MBTD1: variants seen among roughly 807,000 people sequenced by gnomAD.
MBTD1 encodes the protein MBT domain-containing protein 1.
In MBTD1, 24 loss-of-function variants were observed where a neutral mutation model predicts 87.8. The observed-to-expected ratio is 0.27, with a 90% confidence interval of 0.20 to 0.38. MBTD1 has a LOEUF of 0.38. MBTD1 is among the 10% of genes least tolerant of loss of function. MBTD1 has a pLI of 1.00. For missense variants in MBTD1, 436 were observed against 760.2 expected (o/e 0.57, Z 5.02); for synonymous variants, 237 against 248.6 (o/e 0.95, Z 0.44).
chr17:51,234,792 C>T (rs998157363), intron 2 of MBTD1, among the ~76,000 whole-genome samples: 3 of 152,222 alleles, frequency 2.0e-5, no homozygotes, highest in Non-Finnish European at 2.9e-5. Flanking sequence ...CTCCCAGGTT[C>T]AAGCAATTCT....
At chr17:51,219,167 C>T in intron 4 of MBTD1, 123 bp from the exon 5 acceptor site, 1 of 581,098 alleles carries the variant, frequency 1.7e-6, no homozygotes, top group African/African-American at 1.9e-5. Flanking sequence ...ATTATTAAAG[C>T]AGAGGAAACA....
At chr17:51,189,117 ACTT>A in intron 16 of MBTD1, among the ~76,000 whole-genome samples, 1 of 152,058 alleles carries the variant, frequency 6.6e-6, no homozygotes, top group South Asian at 2.1e-4. Flanking sequence ...TGGTGACACT[ACTT>A]ATAATTTTTA....
intron 2 of MBTD1, among the ~76,000 whole-genome samples, chr17:51,237,825 T>C (rs192489694): frequency 1.3e-5 from 2 of 152,258 alleles, no homozygotes; most frequent in African/African-American, 4.8e-5. Flanking sequence ...CATATACCCA[T>C]ACAAAGACAT....
At position 51,256,450 on chromosome 17, in the gene MBTD1, G is replaced by A. The variant is rs1451635263; in HGVS notation, c.-49+2693C>T. On this transcript the variant is annotated intron_variant, in intron 2 of 16. Transcript: ENST00000586178. ...AATGGAGTGTTTCCCTAACCAACCTGATAAACTTTCTGGGGTATACATTAA... is the reference window on the plus strand; with the variant it reads ...AATGGAGTGTTTCCCTAACCAACCTAATAAACTTTCTGGGGTATACATTAA... The A allele has an allele frequency of 3.9e-5, 6 of 152,134 alleles. No individual in the cohort carries two copies. The East Asian group carries it at 1.2e-3, about 29-fold the overall frequency. The allele number at this position is 152,134 out of a possible 1,614,324, so 9.4% of individuals were successfully genotyped here. A position where few individuals can be genotyped will look rare whatever the true frequency, so the allele number is the denominator to read the frequency against.
intron 16 of MBTD1, among the ~76,000 whole-genome samples, chr17:51,188,973 G>A (rs557113457): frequency 2.0e-4 from 30 of 152,032 alleles, no homozygotes; most frequent in Admixed American, 4.6e-4. Context: ...GGTCAGGCTG[G>A]TCTCGAACTC....
rs1041231104 is a variant in MBTD1 at position 51,202,690 on chromosome 17, T to C, written c.1063+11A>G. 1.9e-6 allele frequency: 3 copies of C among 1,597,986 alleles called. No individual in the cohort carries two copies. Among genetic ancestry groups the C allele is most frequent in the Non-Finnish European group, 1.7e-6 (2 of 1,165,324 alleles). ...ATGCTTTTGACAGGAGTTCTTGTGA[T>C]AGGTGCTTACCAGATCTTTTGAATC... On this transcript the variant is annotated intron_variant, in intron 10 of 16. Transcript: ENST00000586178.
chr17:51,201,964 C>A, intron 11 of MBTD1, 58 bp downstream of exon 11: 1 of 1,239,746 alleles, frequency 8.1e-7, no homozygotes, highest in Non-Finnish European at 1.2e-6. Context: ...TAGGAAAAAA[C>A]CCACAACCCT....
intron 6 of MBTD1, among the ~76,000 whole-genome samples, chr17:51,213,108 G>C (rs375610976): frequency 1.2e-4 from 19 of 152,124 alleles, no homozygotes; most frequent in African/African-American, 4.3e-4. Flanking sequence ...GTACGATCAG[G>C]GCTAACTGCA....
At chr17:51,181,285 A>G (rs900504747) in intron 16 of MBTD1, among the ~76,000 whole-genome samples, 1 of 152,276 alleles carries the variant, frequency 6.6e-6, no homozygotes, top group South Asian at 2.1e-4. Flanking sequence ...TCAGCCTCCC[A>G]AAGTGCTGGG....
intron 2 of MBTD1, among the ~76,000 whole-genome samples, chr17:51,252,748 C>A (rs1036216235): frequency 6.6e-6 from 1 of 150,680 alleles, no homozygotes; most frequent in Non-Finnish European, 1.5e-5. Context: ...AAAAACAAAA[C>A]AACAAAACAA....
intron 4 of MBTD1, 98 bp downstream of exon 4, chr17:51,220,232 G>T: frequency 8.7e-7 from 1 of 1,153,790 alleles, no homozygotes; most frequent in South Asian, 1.9e-5. Flanking sequence ...TAACTGAGTG[G>T]GCAGAGGTGG....
chr17:51,205,369 T>C (rs1241274523), intron 7 of MBTD1, among the ~76,000 whole-genome samples: 2 of 152,202 alleles, frequency 1.3e-5, no homozygotes, highest in African/African-American at 4.8e-5. Context: ...AAATCGGAGA[T>C]GGAAGGCAGA....
chr17:51,215,526 T>G (rs36046289), intron 6 of MBTD1, among the ~76,000 whole-genome samples: 4,362 of 152,332 alleles, frequency 0.029, 88 homozygotes, highest in Middle Eastern at 0.051. Context: ...TCCAGGAATC[T>G]GAGATGAAAG....
At chr17:51,241,575 A>G (rs1287069531) in intron 2 of MBTD1, among the ~76,000 whole-genome samples, 2 of 150,946 alleles carry the variant, frequency 1.3e-5, no homozygotes, top group Non-Finnish European at 3.0e-5. Flanking sequence ...TCAATGTTGT[A>G]TTTTTTTTGA....
chr17:51,259,692 G>A (rs2055347598), intron 1 of MBTD1, 143 bp downstream of exon 1: 2 of 712,372 alleles, frequency 2.8e-6, no homozygotes, highest in Non-Finnish European at 3.9e-6. Context: ...GAAGGGGGAG[G>A]GGGGCTCCGG....
chr17:51,249,787 CTG>C (rs1294028133), intron 2 of MBTD1: 2 of 152,146 alleles, frequency 1.3e-5, no homozygotes, highest in Non-Finnish European at 2.9e-5. Context: ...TTACAGTACA[CTG>C]TATTTTTTTT....
chr17:51,187,396 T>C (rs1374107130), intron 16 of MBTD1, among the ~76,000 whole-genome samples: 1 of 133,594 alleles, frequency 7.5e-6, no homozygotes, highest in Non-Finnish European at 1.6e-5. Context: ...AGTGAGACCT[T>C]GTCTCAAAAA....
chr17:51,229,095 C>T (rs543964004), intron 2 of MBTD1, among the ~76,000 whole-genome samples: 3 of 151,940 alleles, frequency 2.0e-5, no homozygotes, highest in African/African-American at 4.8e-5. Flanking sequence ...TCTGGGAGGC[C>T]GAGGCTGGAG....
At chr17:51,220,276 T>C in intron 4 of MBTD1, 54 bp downstream of exon 4, 1 of 1,489,160 alleles carries the variant, frequency 6.7e-7, no homozygotes, top group African/African-American at 1.4e-5. Flanking sequence ...GACAGATAAA[T>C]GGCAAAAGCC....
Sources: gnomAD v4.1 joint callset for allele counts (sites outside exome capture counted in the v4.1 genomes callset) on GRCh38, gnomAD v4.1.1 for gene constraint, MANE v1.5 for transcripts, NCBI Gene and HGNC (gene_info 2026-07-23, HGNC 2026-07-21) for gene names.